PCDHGA9: variants seen among roughly 807,000 people sequenced by gnomAD.
PCDHGA9 encodes the protein protocadherin gamma-A9.
Under a neutral mutation model 62.5 loss-of-function variants are expected in PCDHGA9, and 37 were observed. The observed-to-expected ratio is 0.59, with a 90% CI of 0.46 to 0.78. The LOEUF is 0.78. PCDHGA9 is among the 30% of genes least tolerant of loss of function. The pLI, the probability that PCDHGA9 is intolerant of heterozygous loss-of-function variation, is 0.00. For synonymous variants in PCDHGA9, 459 were observed against 484.6 expected, an observed-to-expected ratio of 0.95 and a Z score of 0.69; for missense variants, 1,138 against 1,166.2, an observed-to-expected ratio of 0.98 and a Z score of 0.35.
chr5:141,473,274 TA>T (rs2099318463), intron 1 of PCDHGA9, among the ~76,000 whole-genome samples: 1 of 152,210 alleles, frequency 6.6e-6, no homozygotes, highest in South Asian at 2.1e-4. Context: ...ATGCTATGAT[TA>T]TTTTACTATG....
intron 1 of PCDHGA9, chr5:141,418,042 G>A: frequency 6.2e-7 from 1 of 1,614,014 alleles, no homozygotes; most frequent in South Asian, 1.1e-5. Context: ...TCCTGGATGT[G>A]TCGGCTCGCG....
intron 1 of PCDHGA9, chr5:141,441,746 C>A: frequency 5.4e-6 from 2 of 371,314 alleles, no homozygotes; most frequent in East Asian, 9.8e-5. Flanking sequence ...TCGCGCTCGG[C>A]GTCAACGTGA....
At position 141,404,691 on chromosome 5, in the gene PCDHGA9, G is replaced by T. The variant is rs200601931; in HGVS notation, c.1739G>T (p.Arg580Leu). ...DGSTGVELAP[R>L]SAEPGYLVTK... is the part of the protein sequence containing the mutation. ...TCTACTGGTGTGGAGCTGGCACCCC[G>T]CTCTGCAGAGCCTGGCTACCTGGTG... Residue 580 changes from arginine to leucine, a missense_variant, in exon 1 of 4, where the codon CGC becomes CTC. Physicochemically the swap from Arg to Leu is moderately radical, Grantham distance 102 (BLOSUM62 -2). Transcript: ENST00000573521. 28 of 1,613,996 alleles carry T rather than the reference G, an allele frequency of 1.7e-5. No individual in the cohort carries two copies. The highest frequency in any genetic ancestry group is 1.6e-4 in the Middle Eastern group (1 of 6,062).
chr5:141,442,751 T>G (rs756672976), intron 1 of PCDHGA9, among the ~76,000 whole-genome samples: 1 of 152,196 alleles, frequency 6.6e-6, no homozygotes, highest in Non-Finnish European at 1.5e-5. Context: ...CATGTTTTGA[T>G]TATATATATT....
At chr5:141,410,254 C>G in intron 1 of PCDHGA9, 1 of 1,614,020 alleles carries the variant, frequency 6.2e-7, no homozygotes, top group Non-Finnish European at 8.5e-7. Flanking sequence ...TCTCTGACCC[C>G]CAGGCTGAAC....
At chr5:141,408,691 C>T (rs1013098114) in intron 1 of PCDHGA9, 1 of 1,613,854 alleles carries the variant, frequency 6.2e-7, no homozygotes, top group Non-Finnish European at 8.5e-7. Flanking sequence ...CTGATATAAA[C>T]ATAAACTCAA....
chr5:141,455,159 G>GTT (rs1390145608), intron 1 of PCDHGA9, among the ~76,000 whole-genome samples: 4 of 144,860 alleles, frequency 2.8e-5, no homozygotes, highest in African/African-American at 7.8e-5. Context: ...TTAGTTTGTT[G>GTT]GTTTTTTTTT....
chr5:141,422,703 G>A (rs1473348513), intron 1 of PCDHGA9: 1 of 1,603,132 alleles, frequency 6.2e-7, no homozygotes, highest in Admixed American at 1.7e-5. Context: ...CTTACTCTCT[G>A]ACGGATGACA....
rs202065305 is a variant in PCDHGA9 at position 141,410,175 on chromosome 5, C to A, written c.2424+4799C>A. 1.1e-5 allele frequency: 17 copies of A among 1,613,752 alleles called. No homozygotes were observed. In the African/African-American group the frequency reaches 2.1e-4, roughly 20 times the overall value. ...GGACAGCCGCCACTCTCTGCCACCG[C>A]CACGCTTCATCTGGTCTTCGCAGAC... On this transcript the variant is annotated intron_variant, in intron 1 of 3. Transcript: ENST00000573521.
At chr5:141,464,916 T>C (rs1298310554) in intron 1 of PCDHGA9, among the ~76,000 whole-genome samples, 1 of 152,024 alleles carries the variant, frequency 6.6e-6, no homozygotes, top group Non-Finnish European at 1.5e-5. Flanking sequence ...TTTTTTTATT[T>C]TTTTGTAGAG....
chr5:141,423,121 G>T lies in PCDHGA9; in HGVS notation c.2424+17745G>T, dbSNP rs368205535. The T allele has an allele frequency of 5.6e-6, 9 of 1,613,680 alleles. No homozygotes were observed. The African/African-American group carries it at 1.1e-4, about 19-fold the overall frequency. ...CACGGGCGAGGTGCGTACAGCGCGG[G>T]CACTGCTGGACAGAGACGCGCTCAA... On this transcript the variant is annotated intron_variant, in intron 1 of 3. Coordinates refer to ENST00000573521, the MANE Select transcript of PCDHGA9 (RefSeq NM_018921.3).
chr5:141,493,962 T>C lies in PCDHGA9; in HGVS notation c.2425-845T>C, dbSNP rs550317675. 6.6e-6 allele frequency among the ~76,000 whole-genome samples: 1 copy of C among 152,320 alleles called. No homozygotes were observed. Among genetic ancestry groups the C allele is most frequent in the African/African-American group, 2.4e-5 (1 of 41,578 alleles). ...AGAAGGGACTCAGGAATGAAGTGGC[T>C]GGCCAGAGCCCCACACCTTCAGCTA... is the stretch of plus-strand genomic sequence containing the variant. On this transcript the variant is annotated intron_variant, in intron 1 of 3. Coordinates refer to ENST00000573521, the MANE Select transcript of PCDHGA9 (RefSeq NM_018921.3). This position sits in a 1 kb window ranked among gnomAD's most constrained non-coding sequence, Gnocchi z 4.3.
Position 141,485,182 on chromosome 5 carries a change from C to A in PCDHGA9, c.2425-9625C>A. 6.2e-7 allele frequency: 1 copy of A among 1,613,070 alleles called. No individual in the cohort carries two copies. The highest frequency in any genetic ancestry group is 8.5e-7 in the Non-Finnish European group (1 of 1,179,154). On this transcript the variant is annotated intron_variant, in intron 1 of 3. Coordinates refer to ENST00000573521, the MANE Select transcript of PCDHGA9 (RefSeq NM_018921.3). This position sits in a 1 kb window ranked among gnomAD's most constrained non-coding sequence, Gnocchi z 5.7. ...ATTAGCGGGCGGCAGCAATGCTCCG[C>A]AAGGTGAGAAGCTGGACAGAAATCT...
In PCDHGA9 at chr5:141,404,248, G is replaced by A; in HGVS notation, c.1296G>A (p.Leu432=). The A allele has an allele frequency of 1.2e-6, 2 of 1,613,812 alleles. No homozygotes were observed. The highest frequency in any genetic ancestry group is 2.7e-5 in the African/African-American group (2 of 74,998). ...CAACAGACAGAGGAACTCCGCCCCTGTCCACAGAAATTCACATCACCCTGC... is the reference window on the plus strand; with the variant it reads ...CAACAGACAGAGGAACTCCGCCCCTATCCACAGAAATTCACATCACCCTGC... ...VTATDRGTPP[L]STEIHITLQV... Residue 432 remains leucine, a synonymous_variant, in exon 1 of 4, where the codon CTG becomes CTA. Coordinates refer to ENST00000573521, the MANE Select transcript of PCDHGA9 (RefSeq NM_018921.3).
At chr5:141,421,522 A>G in intron 1 of PCDHGA9, 1 of 1,614,068 alleles carries the variant, frequency 6.2e-7, no homozygotes, top group Non-Finnish European at 8.5e-7. Context: ...GCTCTGTGAG[A>G]CGGTGTCCTC....
chr5:141,414,375 G>C, intron 1 of PCDHGA9: 1 of 1,613,854 alleles, frequency 6.2e-7, no homozygotes, highest in Non-Finnish European at 8.5e-7. Flanking sequence ...AATTAGAAAA[G>C]TCCATTGACA....
chr5:141,423,273 G>C, intron 1 of PCDHGA9: 2 of 1,613,896 alleles, frequency 1.2e-6, no homozygotes, highest in Non-Finnish European at 1.7e-6. Flanking sequence ...TCGAGTCTCT[G>C]GCTAACTCTG....
chr5:141,422,222 C>A (rs1453283842), intron 1 of PCDHGA9: 2 of 1,564,972 alleles, frequency 1.3e-6, no homozygotes, highest in South Asian at 1.2e-5. Flanking sequence ...TTTACCACCA[C>A]GACGATGTTG....
chr5:141,509,787 TCTC>T (rs2099878266), intron 3 of PCDHGA9, among the ~76,000 whole-genome samples: 1 of 152,132 alleles, frequency 6.6e-6, no homozygotes, highest in Non-Finnish European at 1.5e-5. Context: ...GAGATCATCA[TCTC>T]CTCAGCTTCA....
Sources: allele counts gnomAD v4.1 joint callset (sites outside exome capture counted in the v4.1 genomes callset), GRCh38; gene constraint gnomAD v4.1.1; non-coding constraint Gnocchi (gnomAD v3.1); transcripts MANE v1.5; gene names NCBI Gene and HGNC (gene_info 2026-07-23, HGNC 2026-07-21).